RBFOX1: variants seen among roughly 807,000 people sequenced by gnomAD.
The protein encoded by RBFOX1 is RNA binding protein fox-1 homolog 1.
In RBFOX1, 8 loss-of-function variants were observed where a neutral mutation model predicts 57.7. The observed-to-expected ratio is 0.14, with a 90% CI of 0.08 to 0.25. The LOEUF (loss-of-function observed/expected upper bound fraction) is 0.25. Among genes scored for constraint, RBFOX1 ranks in the 10% least tolerant of loss-of-function variants. The pLI is 1.00. For synonymous variants in RBFOX1, 326 were observed against 222.4 expected (o/e 1.47, Z -4.15); for missense variants, 611 against 548.5 (o/e 1.11, Z -1.14).
chr16:6,905,145 G>C (rs953946617), intron 3 of RBFOX1, among the ~76,000 whole-genome samples: 3 of 152,086 alleles, frequency 2.0e-5, no homozygotes, highest in Admixed American at 6.5e-5. Context: ...GCATTTTACA[G>C]TTGGTCAGGG....
intron 2 of RBFOX1, among the ~76,000 whole-genome samples, chr16:5,553,005 C>T (rs183865200): frequency 0.01 from 1,549 of 152,192 alleles, 13 homozygotes; most frequent in Admixed American, 0.022. Flanking sequence ...AGCTGGAAAC[C>T]ATCATTCTCA....
At chr16:5,822,484 G>C (rs1166561908) in intron 3 of RBFOX1, among the ~76,000 whole-genome samples, 2 of 152,096 alleles carry the variant, frequency 1.3e-5, no homozygotes, top group Non-Finnish European at 2.9e-5. Flanking sequence ...ATAATTGAGT[G>C]GGTTCTCACT....
intron 4 of RBFOX1, among the ~76,000 whole-genome samples, chr16:7,235,692 G>T (rs1215973808): frequency 1.3e-5 from 2 of 152,164 alleles, no homozygotes; most frequent in Non-Finnish European, 2.9e-5. Flanking sequence ...CCTCTTTGAG[G>T]GTTGGAGAGA....
chr16:6,368,430 G>T lies in RBFOX1; in HGVS notation c.-64+51373G>T, dbSNP rs1014317799. ...AAAAAATGCTGCAGCTTTGATTTGG[G>T]TTTTATGTCCTGTGATTACACGGAT... On this transcript the variant is annotated intron_variant, in intron 2 of 15. Coordinates refer to ENST00000550418, the MANE Select transcript of RBFOX1 (RefSeq NM_018723.4). Among the ~76,000 whole-genome samples the T allele has an allele frequency of 4.6e-5, 7 of 152,160 alleles. 1 individual carries two copies. Among genetic ancestry groups the T allele is most frequent in the Admixed American group, 6.5e-5 (1 of 15,274 alleles).
At chr16:5,828,859 A>G (rs1159559070) in intron 3 of RBFOX1, among the ~76,000 whole-genome samples, 1 of 152,094 alleles carries the variant, frequency 6.6e-6, no homozygotes, top group Non-Finnish European at 1.5e-5. Flanking sequence ...TTGTTGTGTA[A>G]TAAATTACCA....
chr16:6,392,739 GT>G (rs1276463467), intron 2 of RBFOX1, among the ~76,000 whole-genome samples: 2 of 152,206 alleles, frequency 1.3e-5, no homozygotes, highest in Non-Finnish European at 2.9e-5. Context: ...GAACTAGATG[GT>G]ATGCTAAATT....
At chr16:6,324,344 G>T (rs899510847) in intron 2 of RBFOX1, among the ~76,000 whole-genome samples, 1 of 152,154 alleles carries the variant, frequency 6.6e-6, no homozygotes, top group Admixed American at 6.5e-5. Flanking sequence ...GCTATAAAGA[G>T]ATACCTGAGA....
At chr16:7,052,223 A>G (rs985638255) in intron 4 of RBFOX1, 125 bp downstream of exon 4, 2 of 1,386,106 alleles carry the variant, frequency 1.4e-6, no homozygotes, top group Non-Finnish European at 1.9e-6. Context: ...GGTAGAGTTG[A>G]AAATATTTAT....
chr16:6,763,348 C>T (rs533792632), intron 3 of RBFOX1, among the ~76,000 whole-genome samples: 1 of 152,336 alleles, frequency 6.6e-6, no homozygotes, highest in South Asian at 2.1e-4. Context: ...AAGCCCATCA[C>T]CAGTGATTAC....
chr16:6,482,154 A>G (rs2095381217), intron 2 of RBFOX1, among the ~76,000 whole-genome samples: 1 of 152,246 alleles, frequency 6.6e-6, no homozygotes, highest in Admixed American at 6.5e-5. Context: ...TAAAGTATCC[A>G]AGAAGGACAC....
intron 4 of RBFOX1, among the ~76,000 whole-genome samples, chr16:7,424,975 C>G (rs1336713496): frequency 2.6e-5 from 4 of 152,002 alleles, no homozygotes. Flanking sequence ...AGAATGTTAT[C>G]TTAGAGATGG....
In RBFOX1 at chr16:5,947,356, T is replaced by G. The variant is rs1277129514; in HGVS notation, c.351+80021T>G. ...CTTTTTACAACCATGTGTTCTACAT[T>G]GCAATGACAGATTTTTGTTCTGTTT... On this transcript the variant is annotated intron_variant, in intron 4 of 19. Transcript: ENST00000641259. The surrounding 1 kb of genome is among the most constrained non-coding windows in gnomAD (Gnocchi z 7.2). 1.3e-5 allele frequency among the ~76,000 whole-genome samples: 2 copies of G among 152,198 alleles called. No homozygotes were observed. The highest frequency in any genetic ancestry group is 2.9e-5 in the Non-Finnish European group (2 of 68,040).
At chr16:7,480,184 C>G (rs781397639) in intron 4 of RBFOX1, among the ~76,000 whole-genome samples, 2 of 152,176 alleles carry the variant, frequency 1.3e-5, no homozygotes, top group Admixed American at 1.3e-4. Context: ...TTACAGTTTT[C>G]TGAGCTTTGG....
At chr16:7,703,655 C>T (rs932031215) in intron 14 of RBFOX1, among the ~76,000 whole-genome samples, 3 of 152,190 alleles carry the variant, frequency 2.0e-5, no homozygotes, top group Admixed American at 2.0e-4. Context: ...CAGCTTGTTT[C>T]AAGTAGGTGT....
At chr16:7,226,219 C>G (rs13335458) in intron 4 of RBFOX1, among the ~76,000 whole-genome samples, 4 of 152,146 alleles carry the variant, frequency 2.6e-5, no homozygotes, top group African/African-American at 9.7e-5. Flanking sequence ...GCCAGTTACT[C>G]AAGTCAGAAG....
chr16:5,737,992 G>C (rs1382540734), intron 3 of RBFOX1, among the ~76,000 whole-genome samples: 2 of 152,038 alleles, frequency 1.3e-5, no homozygotes, highest in East Asian at 3.9e-4. Context: ...TTCTGCTAAT[G>C]TTATCCCTCC....
intron 4 of RBFOX1, among the ~76,000 whole-genome samples, chr16:5,959,046 G>A (rs1197844285): frequency 6.6e-6 from 1 of 152,218 alleles, no homozygotes; most frequent in Non-Finnish European, 1.5e-5. Context: ...TTATTCTGCT[G>A]ACCACACCAG....
intron 3 of RBFOX1, among the ~76,000 whole-genome samples, chr16:6,744,140 G>A (rs1263412590): frequency 1.3e-5 from 2 of 152,024 alleles, no homozygotes; most frequent in Non-Finnish European, 2.9e-5. Context: ...CAGGGATAAA[G>A]AAGGTAATTT....
intron 4 of RBFOX1, among the ~76,000 whole-genome samples, chr16:6,003,302 A>T (rs1286660948): frequency 6.7e-6 from 1 of 149,806 alleles, no homozygotes; most frequent in Non-Finnish European, 1.5e-5. Flanking sequence ...AAAAAAAGCA[A>T]TGAGAGGGAA....
Sources: allele counts gnomAD v4.1 joint callset (sites outside exome capture counted in the v4.1 genomes callset), GRCh38; gene constraint gnomAD v4.1.1; non-coding constraint Gnocchi (gnomAD v3.1); transcripts MANE v1.5; gene names NCBI Gene and HGNC (gene_info 2026-07-23, HGNC 2026-07-21).